Variants in CFAP210 observed in about 807,000 individuals in gnomAD.
The protein encoded by CFAP210 is cilia and flagella associated protein 210, also known as cilia- and flagella- associated protein 210.
the CFAP210 span, chr2:169,694,255 G>A: frequency 1.2e-6 from 2 of 1,613,818 alleles, no homozygotes; most frequent in African/African-American, 2.7e-5. Flanking sequence ...GGTCAGTTTA[G>A]CTCACCTGTA....
At chr2:169,669,918 G>C in the CFAP210 span, among the ~76,000 whole-genome samples, 4 of 152,170 alleles carry the variant, frequency 2.6e-5, no homozygotes, top group African/African-American at 4.8e-5. Context: ...TCAAAGGGAT[G>C]GTCTAGACTA....
the CFAP210 span, among the ~76,000 whole-genome samples, chr2:169,657,111 C>T: frequency 6.6e-6 from 1 of 151,838 alleles, no homozygotes; most frequent in Non-Finnish European, 1.5e-5. Flanking sequence ...TTTTCTATCA[C>T]ATGCATTTAA....
At chr2:169,683,030 C>T in the CFAP210 span, among the ~76,000 whole-genome samples, 2 of 152,126 alleles carry the variant, frequency 1.3e-5, no homozygotes, top group Non-Finnish European at 2.9e-5. Context: ...AAGAAAATCA[C>T]GTGGTTCCAG....
chr2:169,646,940 G>A, the CFAP210 span, among the ~76,000 whole-genome samples: 1 of 151,506 alleles, frequency 6.6e-6, no homozygotes, highest in Non-Finnish European at 1.5e-5. Flanking sequence ...TGACTACTTA[G>A]GAATATATTT....
the CFAP210 span, chr2:169,650,276 G>A: frequency 7.1e-7 from 1 of 1,410,886 alleles, no homozygotes; most frequent in Non-Finnish European, 9.2e-7. Flanking sequence ...AAACACAGTG[G>A]AAAGGTCCTA....
the CFAP210 span, among the ~76,000 whole-genome samples, chr2:169,652,999 C>CAA: frequency 9.1e-4 from 7 of 7,732 alleles, 1 homozygote; most frequent in African/African-American, 8.9e-4. Context: ...GACTCCGTCT[C>CAA]AAAAAAAAAA....
the CFAP210 span, among the ~76,000 whole-genome samples, chr2:169,675,669 T>C: frequency 6.6e-6 from 1 of 152,180 alleles, no homozygotes. Flanking sequence ...CATTTCAATA[T>C]GATATCTGAA....
chr2:169,647,268 T>A, the CFAP210 span, among the ~76,000 whole-genome samples: 1 of 152,088 alleles, frequency 6.6e-6, no homozygotes, highest in Non-Finnish European at 1.5e-5. Flanking sequence ...GCAATTTGGA[T>A]ATGTTTAGTA....
At chr2:169,646,670 A>G in the CFAP210 span, among the ~76,000 whole-genome samples, 1 of 152,224 alleles carries the variant, frequency 6.6e-6, no homozygotes, top group Non-Finnish European at 1.5e-5. Flanking sequence ...CTATTTCCCG[A>G]AAATTTAAAA....
chr2:169,693,680 G>A, the CFAP210 span, among the ~76,000 whole-genome samples: 2 of 152,120 alleles, frequency 1.3e-5, no homozygotes, highest in Non-Finnish European at 2.9e-5. Flanking sequence ...TGTTATAACA[G>A]GTCACCTGAA....
chr2:169,670,624 T>G, the CFAP210 span, among the ~76,000 whole-genome samples: 6 of 152,218 alleles, frequency 3.9e-5, no homozygotes, highest in African/African-American at 1.4e-4. Context: ...AGGGCTTAAA[T>G]GAGCCTGGAG....
chr2:169,690,680 G>C, the CFAP210 span, among the ~76,000 whole-genome samples: 1 of 139,690 alleles, frequency 7.2e-6, no homozygotes, highest in Non-Finnish European at 1.6e-5. Flanking sequence ...AAAAAAAAAA[G>C]AATTCTTGAA....
chr2:169,669,935 T>C, the CFAP210 span, among the ~76,000 whole-genome samples: 1 of 152,208 alleles, frequency 6.6e-6, no homozygotes, highest in Non-Finnish European at 1.5e-5. Context: ...ACTAGAGTTA[T>C]CAGATTTAGG....
the CFAP210 span, chr2:169,662,229 G>A: frequency 6.4e-7 from 1 of 1,559,268 alleles, no homozygotes; most frequent in African/African-American, 1.4e-5. Flanking sequence ...AATTTTAAAA[G>A]TTGGGCATTT....
the CFAP210 span, chr2:169,661,348 G>A: frequency 2.4e-6 from 1 of 421,558 alleles, no homozygotes; most frequent in Non-Finnish European, 4.6e-6. Flanking sequence ...CTGTAGGCTG[G>A]GCATTTTCAG....
At chr2:169,649,208 C>T in the CFAP210 span, 75 of 1,612,060 alleles carry the variant, frequency 4.7e-5, no homozygotes, top group Non-Finnish European at 6.8e-6. Context: ...GCATCTTGAA[C>T]CTCTTGATGT....
the CFAP210 span, among the ~76,000 whole-genome samples, chr2:169,651,727 CTTTA>C: frequency 6.6e-6 from 1 of 151,998 alleles, no homozygotes; most frequent in Non-Finnish European, 1.5e-5. Flanking sequence ...TATAAAAGGC[CTTTA>C]TTTAAATAAA....
At chr2:169,672,868 A>T in the CFAP210 span, among the ~76,000 whole-genome samples, 2 of 152,182 alleles carry the variant, frequency 1.3e-5, no homozygotes, top group Admixed American at 1.3e-4. Flanking sequence ...AATCCCATCA[A>T]GTTGACATCT....
chr2:169,672,646 T>C, the CFAP210 span, among the ~76,000 whole-genome samples: 1 of 152,140 alleles, frequency 6.6e-6, no homozygotes, highest in African/African-American at 2.4e-5. Context: ...CACCAATAGA[T>C]AAGGAAGCCA....
Sources: allele counts gnomAD v4.1 joint callset (sites outside exome capture counted in the v4.1 genomes callset), GRCh38; gene constraint gnomAD v4.1.1; transcripts MANE v1.5; gene names NCBI Gene and HGNC (gene_info 2026-07-23, HGNC 2026-07-21).